ENOX1: variants seen among roughly 807,000 people sequenced by gnomAD.
The protein encoded by ENOX1 is ecto-NOX disulfide-thiol exchanger 1.
In ENOX1, 42 loss-of-function variants were observed where a neutral mutation model predicts 82.5. The observed-to-expected ratio is 0.51, with a 90% CI of 0.40 to 0.66. The LOEUF is 0.66. Ranked by LOEUF, ENOX1 falls within the 30% of genes least tolerant of loss-of-function variation. The pLI, the probability that ENOX1 is intolerant of heterozygous loss-of-function variation, is 0.00. For missense variants in ENOX1, 608 were observed against 811.6 expected, an observed-to-expected ratio of 0.75 and a Z score of 3.05; for synonymous variants, 271 against 282.2, an observed-to-expected ratio of 0.96 and a Z score of 0.40.
chr13:43,644,497 G>A (rs552291576), intron 2 of ENOX1, among the ~76,000 whole-genome samples: 1 of 152,124 alleles, frequency 6.6e-6, no homozygotes, highest in Non-Finnish European at 1.5e-5. Flanking sequence ...AAAAATAATA[G>A]ACAATAAGTG....
intron 14 of ENOX1, among the ~76,000 whole-genome samples, chr13:43,262,956 C>A (rs567261776): frequency 6.6e-6 from 1 of 152,154 alleles, no homozygotes; most frequent in Non-Finnish European, 1.5e-5. Flanking sequence ...CCCTCTCAGT[C>A]GGGTCTGAAG....
At chr13:43,643,385 G>T (rs953158359) in intron 2 of ENOX1, among the ~76,000 whole-genome samples, 5 of 152,182 alleles carry the variant, frequency 3.3e-5, no homozygotes, top group Admixed American at 2.0e-4. Flanking sequence ...CAACAGGGAA[G>T]TAACATCAGT....
At chr13:43,513,771 A>G (rs1455250437) in intron 2 of ENOX1, among the ~76,000 whole-genome samples, 2 of 152,176 alleles carry the variant, frequency 1.3e-5, no homozygotes, top group Non-Finnish European at 2.9e-5. Flanking sequence ...TAAAATCAAT[A>G]AAAAAGGAGA....
intron 2 of ENOX1, among the ~76,000 whole-genome samples, chr13:43,560,298 C>T (rs537617873): frequency 1.2e-4 from 19 of 152,146 alleles, no homozygotes; most frequent in Middle Eastern, 6.8e-3. Context: ...TTAAAAAATA[C>T]GCAATATGTC....
At chr13:43,548,749 G>A (rs796885323) in intron 2 of ENOX1, among the ~76,000 whole-genome samples, 6 of 152,202 alleles carry the variant, frequency 3.9e-5, no homozygotes, top group African/African-American at 9.6e-5. Context: ...AAGACGGGAC[G>A]ACCCAAGGTG....
intron 1 of ENOX1, among the ~76,000 whole-genome samples, chr13:43,762,471 G>A (rs1185833566): frequency 6.6e-6 from 1 of 152,168 alleles, no homozygotes; most frequent in Non-Finnish European, 1.5e-5. Context: ...GATAAAATTT[G>A]AATTTAACTC....
At chr13:43,542,326 GT>G (rs1275126163) in intron 2 of ENOX1, among the ~76,000 whole-genome samples, 2 of 151,318 alleles carry the variant, frequency 1.3e-5, no homozygotes, top group Admixed American at 6.6e-5. Flanking sequence ...TAGAGACAGG[GT>G]TTCACCGTGT....
chr13:43,658,584 T>C (rs966862472), intron 2 of ENOX1, among the ~76,000 whole-genome samples: 5 of 152,222 alleles, frequency 3.3e-5, no homozygotes, highest in Non-Finnish European at 5.9e-5. Context: ...TATGTACTTA[T>C]CATGATGCTA....
intron 2 of ENOX1, among the ~76,000 whole-genome samples, chr13:43,650,507 G>C (rs1181643901): frequency 6.6e-6 from 1 of 152,054 alleles, no homozygotes; most frequent in African/African-American, 2.4e-5. Flanking sequence ...ATTAGGTCAG[G>C]GGAGGTACCT....
At chr13:43,255,360 T>C (rs184648609) in intron 14 of ENOX1, among the ~76,000 whole-genome samples, 139 of 152,086 alleles carry the variant, frequency 9.1e-4, no homozygotes, top group Middle Eastern at 6.8e-3. Flanking sequence ...AAACGGAATG[T>C]TTTTCCTCTA....
intron 2 of ENOX1, among the ~76,000 whole-genome samples, chr13:43,532,438 CTATTTTCATAA>C (rs2078271046): frequency 6.6e-6 from 1 of 152,078 alleles, no homozygotes; most frequent in Non-Finnish European, 1.5e-5. Context: ...GAGGCTAAGT[CTATTTTCATAA>C]TACTAAAATG....
chr13:43,334,331 C>T lies in ENOX1; in HGVS notation c.1037-7806G>A, dbSNP rs539855320. ...AGTTGGCAATGGAAATTACATCTGT[C>T]CAACTTCAAATCATGTATTTATACC... On this transcript the variant is annotated intron_variant, in intron 9 of 16. Transcript: ENST00000690772. Among the ~76,000 whole-genome samples, 12 of 152,284 alleles carry T rather than the reference C, an allele frequency of 7.9e-5. 1 individual carries two copies. In the South Asian group the frequency reaches 2.5e-3, roughly 32 times the overall value.
intron 3 of ENOX1, among the ~76,000 whole-genome samples, chr13:43,437,403 C>T (rs2056098023): frequency 6.6e-6 from 1 of 152,158 alleles, no homozygotes; most frequent in African/African-American, 2.4e-5. Context: ...AGGTTAAATG[C>T]TTCCACTTTC....
rs1182841847 is a variant in ENOX1, at chr13:43,470,397, T to TAC, written c.-75+13611_-75+13612insGT. On this transcript the variant is annotated intron_variant, in intron 3 of 16. Coordinates refer to ENST00000690772, the MANE Select transcript of ENOX1 (RefSeq NM_001347969.2). The stretch of plus-strand genomic sequence containing the variant: ...ATATACATATATATACGTATATATA[T>TAC]GTGTATATATATATATATATAACAG... 1.7e-4 allele frequency among the ~76,000 whole-genome samples: 18 copies of TAC among 108,242 alleles called. 1 individual carries two copies. Among genetic ancestry groups the TAC allele is most frequent in the African/African-American group, 5.8e-4 (18 of 30,846 alleles). The allele number at this position is 108,242 out of a possible 152,430, so 71.0% of individuals were successfully genotyped here.
chr13:43,586,035 T>A (rs1009573811), intron 2 of ENOX1, among the ~76,000 whole-genome samples: 3 of 152,252 alleles, frequency 2.0e-5, no homozygotes, highest in African/African-American at 7.2e-5. Context: ...ACGGTGAGAA[T>A]GTGTAAAAGC....
At chr13:43,617,890 GTTT>G (rs1390410667) in intron 2 of ENOX1, among the ~76,000 whole-genome samples, 2 of 24,498 alleles carry the variant, frequency 8.2e-5, no homozygotes, top group African/African-American at 1.3e-4. Flanking sequence ...ACATCTACTG[GTTT>G]GTTGTTGTTG....
intron 2 of ENOX1, among the ~76,000 whole-genome samples, chr13:43,636,881 C>T (rs965060420): frequency 3.3e-5 from 5 of 152,104 alleles, no homozygotes; most frequent in African/African-American, 9.7e-5. Context: ...GGCAGGCAAG[C>T]GCATATTCTA....
intron 2 of ENOX1, among the ~76,000 whole-genome samples, chr13:43,624,557 G>A (rs1014089428): frequency 1.3e-5 from 2 of 151,826 alleles, no homozygotes; most frequent in Admixed American, 6.6e-5. Flanking sequence ...AATCCATTTC[G>A]AATTTTTACA....
Position 43,754,357 on chromosome 13 carries a change from T to A in ENOX1, c.-285+32295A>T, listed in dbSNP as rs190998987. Among the ~76,000 whole-genome samples the A allele has an allele frequency of 5.9e-3, 886 of 149,566 alleles. 5 individuals are homozygous for A. Among genetic ancestry groups the A allele is most frequent in the Non-Finnish European group, 8.0e-3 (543 of 67,488 alleles). On this transcript the variant is annotated intron_variant, in intron 1 of 16. Transcript: ENST00000690772. The stretch of plus-strand genomic sequence containing the variant: ...TATATATTATTATTATTATTTATTT[T>A]TTTTTTTTACTGTCACCCAGGCTGG...
Sources: gnomAD v4.1 joint callset for allele counts (sites outside exome capture counted in the v4.1 genomes callset) on GRCh38, gnomAD v4.1.1 for gene constraint, MANE v1.5 for transcripts, NCBI Gene and HGNC (gene_info 2026-07-23, HGNC 2026-07-21) for gene names.